The following SUGCT variants were observed in gnomAD, a reference collection of about 807,000 sequenced individuals.
SUGCT encodes the protein succinyl-CoA:glutarate-CoA transferase, also known as succinyl-CoA:glutarate CoA-transferase.
SUGCT carries 41 observed loss-of-function variants against 55.0 expected under a neutral mutation model. That is an observed-to-expected ratio of 0.74 (90% confidence interval 0.58 to 0.97). The LOEUF is 0.97. Among genes scored for constraint, SUGCT ranks in the 50% least tolerant of loss-of-function variants. The pLI is 0.00. For synonymous variants in SUGCT, 187 were observed against 200.4 expected (o/e 0.93, Z 0.56); for missense variants, 568 against 547.8 (o/e 1.04, Z -0.37).
At position 40,468,659 on chromosome 7, in the gene SUGCT, GA is replaced by G. The variant is rs1218107313; in HGVS notation, c.986+9464del. Among the ~76,000 whole-genome samples, 7 of 150,698 alleles carry G rather than the reference GA, an allele frequency of 4.6e-5. No homozygotes were observed. In the South Asian group the frequency reaches 1.5e-3, roughly 32 times the overall value. ...GGCATGGAAGGAAACTTTATTCCAT[GA>G]AAGATAATTCTTCCTTACACATAGT... On this transcript the variant is annotated intron_variant, in intron 11 of 13. Transcript: ENST00000335693.
At chr7:40,829,710 G>C (rs188400164) in intron 13 of SUGCT, among the ~76,000 whole-genome samples, 1 of 152,200 alleles carries the variant, frequency 6.6e-6, no homozygotes. Flanking sequence ...GTCATGGTGG[G>C]TTCTCCTCCC....
chr7:40,984,658 G>T, the SUGCT span, among the ~76,000 whole-genome samples: 1 of 152,060 alleles, frequency 6.6e-6, no homozygotes, highest in South Asian at 2.1e-4. Context: ...GATGTTCTAG[G>T]TTGCTATAAC....
intron 12 of SUGCT, among the ~76,000 whole-genome samples, chr7:40,658,942 G>A (rs796886257): frequency 2.6e-5 from 4 of 152,242 alleles, no homozygotes; most frequent in African/African-American, 9.6e-5. Context: ...GAGTGGTGTG[G>A]AGTTTGACTC....
At chr7:40,339,729 G>T (rs752168379) in intron 9 of SUGCT, among the ~76,000 whole-genome samples, 5 of 152,148 alleles carry the variant, frequency 3.3e-5, no homozygotes, top group Non-Finnish European at 7.3e-5. Flanking sequence ...CTTGGCTCAC[G>T]CTGGGTGGGC....
At chr7:40,733,209 C>T (rs143904014) in intron 12 of SUGCT, among the ~76,000 whole-genome samples, 1 of 152,318 alleles carries the variant, frequency 6.6e-6, no homozygotes, top group Non-Finnish European at 1.5e-5. Flanking sequence ...CTCTACCCCT[C>T]TGCCCCACAC....
At chr7:40,360,599 G>A (rs576717389) in intron 9 of SUGCT, among the ~76,000 whole-genome samples, 12 of 152,146 alleles carry the variant, frequency 7.9e-5, no homozygotes, top group Non-Finnish European at 1.2e-4. Flanking sequence ...ATGGCCATGC[G>A]TGGAAGGCAC....
Position 40,639,192 on chromosome 7 carries a change from A to T in SUGCT, c.1090-110242A>T, listed in dbSNP as rs182026488. Among the ~76,000 whole-genome samples, 492 of 152,276 alleles carry T rather than the reference A, an allele frequency of 3.2e-3. 1 individual carries two copies. The highest frequency in any genetic ancestry group is 0.011 in the African/African-American group (447 of 41,552). On this transcript the variant is annotated intron_variant, in intron 12 of 13. Coordinates refer to ENST00000335693, the MANE Select transcript of SUGCT (RefSeq NM_001193313.2). The stretch of plus-strand genomic sequence containing the variant: ...TCTGTTTATAGCCCAAATTTTACTT[A>T]TTAGTACTCCTTGTAGGTCTGTCTC...
At chr7:40,164,208 A>T (rs1001606978) in intron 1 of SUGCT, among the ~76,000 whole-genome samples, 4 of 151,322 alleles carry the variant, frequency 2.6e-5, no homozygotes, top group African/African-American at 9.7e-5. Flanking sequence ...GCTTACTGCA[A>T]CCTTCTCCTC....
At chr7:40,794,501 T>TA (rs1027364514) in intron 13 of SUGCT, among the ~76,000 whole-genome samples, 19 of 152,290 alleles carry the variant, frequency 1.2e-4, no homozygotes, top group African/African-American at 4.6e-4. Context: ...AGCCCAGCTT[T>TA]ATGGAGGGAT....
At chr7:40,351,480 CT>C (rs1211331490) in intron 9 of SUGCT, among the ~76,000 whole-genome samples, 2 of 152,076 alleles carry the variant, frequency 1.3e-5, no homozygotes, top group African/African-American at 2.4e-5. Context: ...GCAAAATGTA[CT>C]TATAATAGTG....
At chr7:40,837,968 A>G (rs181079932) in intron 13 of SUGCT, among the ~76,000 whole-genome samples, 1 of 152,282 alleles carries the variant, frequency 6.6e-6, no homozygotes. Context: ...TCTGTTGCCT[A>G]TGGATGGTCA....
chr7:40,692,350 C>G (rs1382005458), intron 12 of SUGCT, among the ~76,000 whole-genome samples: 1 of 152,036 alleles, frequency 6.6e-6, no homozygotes, highest in Non-Finnish European at 1.5e-5. Context: ...TATTACTTTG[C>G]CAGGTTAAGA....
At chr7:40,210,957 A>G (rs994994163) in intron 6 of SUGCT, among the ~76,000 whole-genome samples, 3 of 152,136 alleles carry the variant, frequency 2.0e-5, no homozygotes, top group Admixed American at 6.6e-5. Flanking sequence ...AAAGAATTGA[A>G]CATACTGACA....
intron 12 of SUGCT, among the ~76,000 whole-genome samples, chr7:40,662,967 C>G (rs1056920445): frequency 2.0e-5 from 3 of 152,086 alleles, no homozygotes; most frequent in African/African-American, 7.2e-5. Context: ...GACTAACTCT[C>G]GTAATTTCAG....
In SUGCT at chr7:40,496,216, C is replaced by T. The variant is rs574508573; in HGVS notation, c.987-68C>T. The stretch of plus-strand genomic sequence containing the variant: ...ACTATTGCTTGCTTTCAAAGAGGGC[C>T]ACATGATAGAAGAGGCTGTGTTACA... On this transcript the variant is annotated intron_variant, in intron 11 of 13. Coordinates refer to ENST00000335693, the MANE Select transcript of SUGCT (RefSeq NM_001193313.2). 3.2e-6 allele frequency: 3 copies of T among 950,862 alleles called. No individual in the cohort carries two copies. In the African/African-American group the frequency reaches 4.9e-5, roughly 15 times the overall value. The allele number at this position is 950,862 out of a possible 1,614,324, so 58.9% of individuals were successfully genotyped here. A position where few individuals can be genotyped will look rare whatever the true frequency, so the allele number is the denominator to read the frequency against.
chr7:40,253,262 T>G (rs1790565034), intron 7 of SUGCT, among the ~76,000 whole-genome samples: 1 of 152,226 alleles, frequency 6.6e-6, no homozygotes, highest in African/African-American at 2.4e-5. Flanking sequence ...ATGGAATATT[T>G]GATTTAGTGT....
At chr7:40,158,976 C>G (rs1032421073) in intron 1 of SUGCT, among the ~76,000 whole-genome samples, 2 of 152,196 alleles carry the variant, frequency 1.3e-5, no homozygotes, top group Non-Finnish European at 2.9e-5. Flanking sequence ...AGTGCAGTGG[C>G]ATGATCACAG....
intron 11 of SUGCT, among the ~76,000 whole-genome samples, chr7:40,462,569 G>A (rs76788729): frequency 2.6e-5 from 4 of 152,108 alleles, no homozygotes; most frequent in Admixed American, 1.3e-4. Flanking sequence ...TTTCAGCAAC[G>A]TGGAGTCAGG....
intron 7 of SUGCT, among the ~76,000 whole-genome samples, chr7:40,245,421 A>ATTT (rs1789764719): frequency 5.0e-5 from 2 of 39,898 alleles, no homozygotes; most frequent in African/African-American, 2.5e-4. Flanking sequence ...ATATATATAT[A>ATTT]TATTTTTTTT....
Sources: gnomAD v4.1 joint callset for allele counts (sites outside exome capture counted in the v4.1 genomes callset) on GRCh38, gnomAD v4.1.1 for gene constraint, MANE v1.5 for transcripts, NCBI Gene and HGNC (gene_info 2026-07-23, HGNC 2026-07-21) for gene names.